ST18: variants seen among roughly 807,000 people sequenced by gnomAD.
ST18 encodes ST18 C2H2C-type zinc finger transcription factor, also known as suppression of tumorigenicity 18 protein.
In ST18, 50 loss-of-function variants were observed where a neutral mutation model predicts 110.0. That is an observed-to-expected ratio of 0.45 (90% CI 0.36 to 0.58). ST18 has a LOEUF of 0.58. ST18 is among the 20% of genes least tolerant of loss of function. ST18 has a pLI of 0.00. For synonymous variants in ST18, 461 were observed against 452.4 expected, an observed-to-expected ratio of 1.02 and a Z score of -0.24; for missense variants, 1,306 against 1,280.1, an observed-to-expected ratio of 1.02 and a Z score of -0.31.
chr8:52,322,194 G>A (rs1370265637), intron 2 of ST18, among the ~76,000 whole-genome samples: 3 of 152,330 alleles, frequency 2.0e-5, no homozygotes, highest in Admixed American at 2.0e-4. Flanking sequence ...AAGGCAAGGA[G>A]GAGGGAGAGG....
At chr8:52,331,350 T>C (rs73679043) in intron 2 of ST18, among the ~76,000 whole-genome samples, 23,581 of 151,324 alleles carry the variant, frequency 0.16, 2,070 homozygotes, top group African/African-American at 0.25. Flanking sequence ...CATATATTAA[T>C]ATATGCATAT....
chr8:52,375,634 C>T (rs1832042269), intron 2 of ST18, among the ~76,000 whole-genome samples: 1 of 152,196 alleles, frequency 6.6e-6, no homozygotes, highest in Admixed American at 6.5e-5. Flanking sequence ...GTCCTCTTTC[C>T]TCTTTATCCT....
In ST18 at chr8:52,113,318, A is replaced by T. The variant is rs1489714764; in HGVS notation, c.3024T>A (p.Asn1008Lys). Residue 1008 changes from asparagine (N) to lysine (K), a missense_variant, in exon 26 of 26, where the codon AAT (asparagine) becomes AAA (lysine). Coordinates refer to ENST00000689386, the MANE Select transcript of ST18 (RefSeq NM_001352837.2). ...TGAGTGTATTTACATATGCTTCAAA[A>T]TTCTGCTCACTGATAGGTCCCTAAA... ...LPQMGPISEQ[N>K]FEAYVNTLTD... 6.2e-7 allele frequency: 1 copy of T among 1,613,962 alleles called. No individual in the cohort carries two copies. Among genetic ancestry groups the T allele is most frequent in the South Asian group, 1.1e-5 (1 of 91,028 alleles).
intron 8 of ST18, among the ~76,000 whole-genome samples, chr8:52,210,867 C>T (rs949991946): frequency 5.9e-5 from 9 of 152,084 alleles, no homozygotes; most frequent in East Asian, 1.9e-4. Context: ...ATGGAAGCAA[C>T]GGTGACAGCC....
intron 2 of ST18, among the ~76,000 whole-genome samples, chr8:52,287,210 C>A (rs527910656): frequency 3.2e-4 from 48 of 152,112 alleles, no homozygotes; most frequent in Non-Finnish European, 4.1e-4. Context: ...TGATGGTCAT[C>A]CCCAAATTTC....
intron 2 of ST18, among the ~76,000 whole-genome samples, chr8:52,339,109 C>A (rs1467852178): frequency 6.6e-6 from 1 of 152,084 alleles, no homozygotes; most frequent in African/African-American, 2.4e-5. Context: ...GATCTGAGGT[C>A]ATCTGGGGCT....
At chr8:52,339,854 T>C (rs1814049004) in intron 2 of ST18, among the ~76,000 whole-genome samples, 1 of 152,270 alleles carries the variant, frequency 6.6e-6, no homozygotes, top group Admixed American at 6.5e-5. Flanking sequence ...ACACCTTTAA[T>C]TGCTCTTCTC....
intron 2 of ST18, among the ~76,000 whole-genome samples, chr8:52,351,370 C>G (rs979617680): frequency 4.6e-5 from 7 of 152,202 alleles, no homozygotes; most frequent in African/African-American, 1.7e-4. Context: ...GTCTTGTTAG[C>G]AATTTTTTCT....
At chr8:52,387,870 G>A (rs1837476207) in intron 2 of ST18, among the ~76,000 whole-genome samples, 1 of 152,172 alleles carries the variant, frequency 6.6e-6, no homozygotes, top group African/African-American at 2.4e-5. Context: ...GACACGATCA[G>A]TGACTAAACA....
At chr8:52,184,825 A>C (rs1370725229) in intron 8 of ST18, among the ~76,000 whole-genome samples, 5 of 152,328 alleles carry the variant, frequency 3.3e-5, no homozygotes, top group African/African-American at 1.2e-4. Context: ...TCTGAGTCCA[A>C]GGAAAACACT....
intron 2 of ST18, among the ~76,000 whole-genome samples, chr8:52,389,033 G>C (rs1006861601): frequency 1.3e-5 from 2 of 151,818 alleles, no homozygotes; most frequent in Non-Finnish European, 2.9e-5. Context: ...GAGAAGGGCA[G>C]ACCAGGGCCC....
intron 10 of ST18, 142 bp from the exon 11 acceptor site, chr8:52,167,128 C>A: frequency 8.5e-7 from 1 of 1,177,710 alleles, no homozygotes. Flanking sequence ...TTGAACAAGA[C>A]CCTCAACTAA....
At chr8:52,290,445 T>A (rs931397300) in intron 2 of ST18, among the ~76,000 whole-genome samples, 1 of 152,178 alleles carries the variant, frequency 6.6e-6, no homozygotes, top group Non-Finnish European at 1.5e-5. Context: ...TACCAATAAA[T>A]AAAGCTTTAA....
chr8:52,385,792 T>A (rs1431845723), intron 2 of ST18, among the ~76,000 whole-genome samples: 1 of 152,034 alleles, frequency 6.6e-6, no homozygotes, highest in Non-Finnish European at 1.5e-5. Context: ...TTGCATGGAT[T>A]TCAGTGAGGA....
chr8:52,359,301 TAA>T (rs1023878069), intron 2 of ST18, among the ~76,000 whole-genome samples: 11 of 152,122 alleles, frequency 7.2e-5, no homozygotes, highest in African/African-American at 2.7e-4. Flanking sequence ...GTGAATCTAC[TAA>T]ATGCCACTGA....
At chr8:52,274,804 G>A (rs953939562) in intron 2 of ST18, among the ~76,000 whole-genome samples, 20 of 152,118 alleles carry the variant, frequency 1.3e-4, no homozygotes, top group Non-Finnish European at 2.6e-4. Flanking sequence ...TATAAAAAAC[G>A]GTTAATTTCA....
intron 2 of ST18, among the ~76,000 whole-genome samples, chr8:52,288,504 A>G (rs1209678047): frequency 6.6e-6 from 1 of 152,100 alleles, no homozygotes; most frequent in Non-Finnish European, 1.5e-5. Context: ...GTTCAAGACC[A>G]GCTTGGCCAA....
At chr8:52,247,193 A>G (rs941016036) in intron 2 of ST18, among the ~76,000 whole-genome samples, 2 of 152,198 alleles carry the variant, frequency 1.3e-5, no homozygotes, top group East Asian at 3.8e-4. Flanking sequence ...AAGTCCAGTA[A>G]TACAAAGTTT....
chr8:52,347,955 C>CCATA (rs1329987667), intron 2 of ST18, among the ~76,000 whole-genome samples: 1 of 152,122 alleles, frequency 6.6e-6, no homozygotes, highest in Non-Finnish European at 1.5e-5. Context: ...TATATTAAGA[C>CCATA]CATATATATT....
Sources: gnomAD v4.1 joint callset for allele counts (sites outside exome capture counted in the v4.1 genomes callset) on GRCh38, gnomAD v4.1.1 for gene constraint, MANE v1.5 for transcripts, NCBI Gene and HGNC (gene_info 2026-07-23, HGNC 2026-07-21) for gene names.